Variants in DHRSX observed in about 807,000 individuals in gnomAD.
The protein encoded by DHRSX is dehydrogenase/reductase X-linked.
In DHRSX, 31 loss-of-function variants were observed where a neutral mutation model predicts 34.0. The observed-to-expected ratio is 0.91, with a 90% CI of 0.69 to 1.23. The LOEUF (loss-of-function observed/expected upper bound fraction) is 1.23. DHRSX is among the 50% of genes most tolerant of loss of function. DHRSX has a pLI of 0.00. For missense variants in DHRSX, 414 were observed against 428.1 expected (o/e 0.97, Z 0.29); for synonymous variants, 201 against 183.8 (o/e 1.09, Z -0.76).
chrX:2,270,584 G>A (rs1324002679), intron 4 of DHRSX, among the ~76,000 whole-genome samples: 9 of 152,166 alleles, frequency 5.9e-5, no homozygotes, highest in Admixed American at 3.3e-4. Context: ...CACGTCCCTG[G>A]CCCCAGTGGA....
intron 1 of DHRSX, among the ~76,000 whole-genome samples, chrX:2,453,135 A>T (rs765279842): frequency 6.6e-6 from 1 of 152,196 alleles, no homozygotes; most frequent in African/African-American, 2.4e-5. Flanking sequence ...GACAAATACC[A>T]TATCATCGCA....
chrX:2,355,352 A>C (rs1480872042), intron 3 of DHRSX, among the ~76,000 whole-genome samples: 1 of 151,964 alleles, frequency 6.6e-6, no homozygotes, highest in Non-Finnish European at 1.5e-5. Flanking sequence ...TTTCTACAAA[A>C]AATACAAAAA....
chrX:2,449,061 C>T (rs372950056), intron 1 of DHRSX, among the ~76,000 whole-genome samples: 11 of 151,996 alleles, frequency 7.2e-5, no homozygotes, highest in African/African-American at 2.4e-4. Flanking sequence ...TGGTGGCGGG[C>T]GCCTGTAATG....
At chrX:2,361,262 C>G (rs1011101755) in intron 3 of DHRSX, among the ~76,000 whole-genome samples, 1 of 151,948 alleles carries the variant, frequency 6.6e-6, no homozygotes, top group Non-Finnish European at 1.5e-5. Context: ...AGGCGCCCAC[C>G]ACCACACCCA....
chrX:2,331,444 T>TGG (rs1249166767), intron 3 of DHRSX, among the ~76,000 whole-genome samples: 17 of 67,678 alleles, frequency 2.5e-4, no homozygotes, highest in African/African-American at 1.2e-3. Context: ...TGGTTTTTTT[T>TGG]TTTTTTTTTT....
chrX:2,326,819 T>C (rs1288707569), intron 3 of DHRSX, among the ~76,000 whole-genome samples: 1 of 151,838 alleles, frequency 6.6e-6, no homozygotes, highest in Non-Finnish European at 1.5e-5. Context: ...CTTTTTTTTT[T>C]TTTTCTTTCC....
chrX:2,445,915 C>A (rs6642182), intron 1 of DHRSX, among the ~76,000 whole-genome samples: 50,221 of 150,330 alleles, frequency 0.33, 9,090 homozygotes, highest in African/African-American at 0.47. Context: ...AGAATGTGGC[C>A]AAGGGACCGA....
intron 3 of DHRSX, among the ~76,000 whole-genome samples, chrX:2,346,896 G>A (rs1384525442): frequency 6.6e-6 from 1 of 151,958 alleles, no homozygotes; most frequent in East Asian, 1.9e-4. Context: ...GAGAACATGA[G>A]GTGTTTGGTT....
chrX:2,221,200 G>C lies in DHRSX; in HGVS notation c.834C>G (p.Ile278Met). Reference protein sequence around the residue: ...KTPDEGAWTSIYAAVTPELEG... With the variant: ...KTPDEGAWTSMYAAVTPELEG... ...CCAGCTCTGGGGTGACTGCTGCGTA[G>C]ATGGAAGTCCACGCTCCTTCATCGG... Residue 278 changes from isoleucine (I) to methionine (M), a missense_variant, in exon 7 of 7, where the codon ATC (isoleucine) becomes ATG (methionine). Transcript: ENST00000334651. 6.2e-7 allele frequency: 1 copy of C among 1,613,822 alleles called. No individual in the cohort carries two copies. Among genetic ancestry groups the C allele is most frequent in the Non-Finnish European group, 8.5e-7 (1 of 1,179,810 alleles).
At chrX:2,382,741 C>A (rs1390316354) in intron 3 of DHRSX, among the ~76,000 whole-genome samples, 9 of 12,918 alleles carry the variant, frequency 7.0e-4, no homozygotes, top group South Asian at 4.7e-3. Flanking sequence ...ATCATCATCG[C>A]CATCATCATC....
At chrX:2,431,481 TG>T (rs1342185532) in intron 1 of DHRSX, among the ~76,000 whole-genome samples, 2 of 152,180 alleles carry the variant, frequency 1.3e-5, no homozygotes, top group African/African-American at 4.8e-5. Flanking sequence ...TACTTTCCCT[TG>T]GGTAGATACC....
At chrX:2,276,860 G>GAA (rs1432987275) in intron 4 of DHRSX, among the ~76,000 whole-genome samples, 3 of 70,176 alleles carry the variant, frequency 4.3e-5, no homozygotes, top group African/African-American at 1.2e-4. Flanking sequence ...GGGCAAACGA[G>GAA]AGGGAGAGAG....
At chrX:2,369,633 A>C (rs2043033867) in intron 3 of DHRSX, among the ~76,000 whole-genome samples, 1 of 152,068 alleles carries the variant, frequency 6.6e-6, no homozygotes, top group Non-Finnish European at 1.5e-5. Context: ...AGTAGCTGGG[A>C]CTACAGGCTC....
intron 2 of DHRSX, among the ~76,000 whole-genome samples, chrX:2,415,194 C>A (rs1236108725): frequency 8.6e-5 from 13 of 151,992 alleles, no homozygotes; most frequent in Non-Finnish European, 1.6e-4. Flanking sequence ...TCATCATAAC[C>A]TAATACAACT....
rs373023391 is a variant in DHRSX, at chrX:2,378,869, C to G, written c.286+29876G>C. ...GTATTTTTAGTACAGACGGGGTAGC[C>G]CCATGATGGTCAGGCTGGTCACGAA... On this transcript the variant is annotated intron_variant, in intron 3 of 6. Coordinates refer to ENST00000334651, the MANE Select transcript of DHRSX (RefSeq NM_145177.3). Among the ~76,000 whole-genome samples, 13 of 152,110 alleles carry G rather than the reference C, an allele frequency of 8.5e-5. No individual in the cohort carries two copies. The South Asian group carries it at 1.7e-3, about 19-fold the overall frequency.
intron 3 of DHRSX, among the ~76,000 whole-genome samples, chrX:2,371,284 C>G (rs1195079929): frequency 6.7e-6 from 1 of 149,448 alleles, no homozygotes; most frequent in East Asian, 2.0e-4. Flanking sequence ...ACTTCTGTTA[C>G]CATAGTCCCT....
chrX:2,332,414 C>T (rs1477493307), intron 3 of DHRSX, among the ~76,000 whole-genome samples: 2 of 152,114 alleles, frequency 1.3e-5, no homozygotes, highest in Non-Finnish European at 2.9e-5. Context: ...TTGAAATCAG[C>T]GTGTTAATTG....
At chrX:2,443,177 C>A (rs1447442530) in intron 1 of DHRSX, among the ~76,000 whole-genome samples, 2 of 152,042 alleles carry the variant, frequency 1.3e-5, no homozygotes, top group East Asian at 3.9e-4. Flanking sequence ...GGAGCAGATG[C>A]ACACCACCAT....
chrX:2,450,153 TA>T lies in DHRSX; in HGVS notation c.110-24850del, dbSNP rs2044196708. On this transcript the variant is annotated intron_variant, in intron 1 of 6. Transcript: ENST00000334651. ...AAAAAAAAAAGGAAAAAAGTACCAA[TA>T]AATAAATAAATAAATAAAACACAGT... Among the ~76,000 whole-genome samples the T allele has an allele frequency of 1.1e-4, 3 of 26,612 alleles. No homozygotes were observed. The African/African-American group carries it at 2.9e-3, about 25-fold the overall frequency. The allele number at this position is 26,612 out of a possible 152,430, so 17.5% of individuals were successfully genotyped here. A position where few individuals can be genotyped will look rare whatever the true frequency, so the allele number is the denominator to read the frequency against.
Sources: allele counts gnomAD v4.1 joint callset (sites outside exome capture counted in the v4.1 genomes callset), GRCh38; gene constraint gnomAD v4.1.1; transcripts MANE v1.5; gene names NCBI Gene and HGNC (gene_info 2026-07-23, HGNC 2026-07-21).